RUBCNL: variants seen among roughly 807,000 people sequenced by gnomAD.
The protein encoded by RUBCNL is protein associated with UVRAG as autophagy enhancer.
In RUBCNL, 62 loss-of-function variants were observed where a neutral mutation model predicts 69.5. The observed-to-expected ratio is 0.89, with a 90% CI of 0.73 to 1.10. The LOEUF is 1.10. Ranked by LOEUF, RUBCNL falls within the 50% of genes least tolerant of loss-of-function variation. The probability of loss-of-function intolerance (pLI) is 0.00; values close to 1 mark genes in which losing one functional copy is unlikely to be tolerated. For synonymous variants in RUBCNL, 291 were observed against 303.6 expected (o/e 0.96, Z 0.43); for missense variants, 768 against 798.1 (o/e 0.96, Z 0.45).
At chr13:46,365,163 C>T (rs557613578) in intron 5 of RUBCNL, among the ~76,000 whole-genome samples, 8 of 151,792 alleles carry the variant, frequency 5.3e-5, no homozygotes, top group South Asian at 2.1e-4. Flanking sequence ...ATTAGCTGGG[C>T]GTGATGGTGT....
chr13:46,372,118 A>G lies in RUBCNL; in HGVS notation c.358T>C (p.Ser120Pro). ...DSVGSASPHGSSEKSSSFSLS... is the reference protein window; with the variant it reads ...DSVGSASPHGPSEKSSSFSLS... ...GAGAAGCTGCTACTCTTTTCACTCG[A>G]GCCATGGGGAGAAGCGCTGCCAACG... Residue 120 changes from serine (S) to proline (P), a missense_variant, in exon 3 of 15, where the codon TCG becomes CCG. Ser to Pro is a moderately conservative substitution (Grantham distance 74). Coordinates refer to ENST00000429979, the MANE Select transcript of RUBCNL (RefSeq NM_025113.5). The G allele has an allele frequency of 6.2e-7, 1 of 1,613,946 alleles. No individual in the cohort carries two copies.
intron 4 of RUBCNL, 92 bp downstream of exon 4, chr13:46,368,641 T>C (rs950490358): frequency 6.9e-6 from 9 of 1,310,776 alleles, no homozygotes; most frequent in Admixed American, 2.3e-5. Context: ...TTTGTAATGA[T>C]TCATCAAATT....
Position 46,371,983 on chromosome 13 carries a change from C to T in RUBCNL, c.493G>A (p.Ala165Thr). Residue 165 changes from alanine (A) to threonine (T), a missense_variant, in exon 3 of 15, where the codon GCT (alanine) becomes ACT (threonine). Ala to Thr is a moderately conservative substitution (Grantham distance 58). Coordinates refer to ENST00000429979, the MANE Select transcript of RUBCNL (RefSeq NM_025113.5). ...ATSPYPETDSAFFEPSHLTSA... is the reference protein window; with the variant it reads ...ATSPYPETDSTFFEPSHLTSA... ...GTCAGATGGGAAGGCTCAAAAAAAG[C>T]ACTGTCAGTCTCAGGATATGGGGAG... The T allele has an allele frequency of 6.2e-7, 1 of 1,613,980 alleles. No homozygotes were observed. Among genetic ancestry groups the T allele is most frequent in the Non-Finnish European group, 8.5e-7 (1 of 1,179,892 alleles).
chr13:46,373,059 C>T (rs757340422), intron 2 of RUBCNL, among the ~76,000 whole-genome samples: 1 of 151,964 alleles, frequency 6.6e-6, no homozygotes, highest in Non-Finnish European at 1.5e-5. Context: ...CTGCAACCTC[C>T]GCCTCCCAGG....
At position 46,338,624 on chromosome 13, in the gene RUBCNL, A is replaced by T. The variant is rs188451495; in HGVS notation, c.*4761T>A. ...GAAGGCCAGAGCAGGGCCTCTTTCC[A>T]GGATGAAAGGGCAGTCCTGATCCCA... On this transcript the variant is annotated 3_prime_UTR_variant, in exon 15 of 15. Transcript: ENST00000429979. Among the ~76,000 whole-genome samples, 25 of 152,232 alleles carry T rather than the reference A, an allele frequency of 1.6e-4. No homozygotes were observed. The highest frequency in any genetic ancestry group is 9.8e-4 in the Admixed American group (15 of 15,286).
upstream of RUBCNL, among the ~76,000 whole-genome samples, chr13:46,388,672 C>T (rs1314942429): frequency 6.6e-6 from 1 of 152,194 alleles, no homozygotes; most frequent in East Asian, 1.9e-4. Flanking sequence ...GTGAACCGGT[C>T]CTGGCTTTCT....
chr13:46,365,302 C>CAAAAAA (rs34280215), intron 5 of RUBCNL, among the ~76,000 whole-genome samples: 2 of 59,446 alleles, frequency 3.4e-5, no homozygotes, highest in South Asian at 6.6e-4. Context: ...GACTCCATCT[C>CAAAAAA]AAAAAAAAAA....
intron 10 of RUBCNL, among the ~76,000 whole-genome samples, chr13:46,356,044 G>A (rs933312298): frequency 2.6e-5 from 4 of 152,184 alleles, no homozygotes; most frequent in Admixed American, 6.5e-5. Flanking sequence ...GGAAGACCTC[G>A]TGACTTTGGA....
intron 9 of RUBCNL, among the ~76,000 whole-genome samples, chr13:46,357,431 A>G (rs997889959): frequency 5.3e-5 from 8 of 151,678 alleles, no homozygotes; most frequent in Non-Finnish European, 1.5e-5. Flanking sequence ...ATGCCCGTGT[A>G]CAGGGTTCCA....
chr13:46,372,494 G>C lies in RUBCNL; in HGVS notation c.-19C>G. 6.3e-7 allele frequency: 1 copy of C among 1,579,708 alleles called. No individual in the cohort carries two copies. Among genetic ancestry groups the C allele is most frequent in the Non-Finnish European group, 8.6e-7 (1 of 1,162,622 alleles). ...ACACCATCTTTCCAGGCTTGTGGCT[G>C]GTGTGAATCCATTCAAAACAGATAG... On this transcript the variant is annotated 5_prime_UTR_variant, in exon 3 of 15. Coordinates refer to ENST00000429979, the MANE Select transcript of RUBCNL (RefSeq NM_025113.5).
Position 46,368,215 on chromosome 13 carries a change from A to G in RUBCNL, c.653T>C (p.Ile218Thr). Reference protein sequence around the residue: ...NAHFYVADMIISAMEKMKCNI... With the variant: ...NAHFYVADMITSAMEKMKCNI... ...ACACTTCATTTTCTCCATTGCTGAT[A>G]TAATCATATCTGCAACATAAAAGTG... Residue 218 changes from isoleucine (I) to threonine (T), a missense_variant, in exon 5 of 15, where the codon ATA becomes ACA. Ile to Thr is a moderately conservative substitution (Grantham distance 89, BLOSUM62 -1). Coordinates refer to ENST00000429979, the MANE Select transcript of RUBCNL (RefSeq NM_025113.5). 2 of 1,613,948 alleles carry G rather than the reference A, an allele frequency of 1.2e-6. No homozygotes were observed. Among genetic ancestry groups the G allele is most frequent in the Non-Finnish European group, 1.7e-6 (2 of 1,179,876 alleles).
intron 11 of RUBCNL, among the ~76,000 whole-genome samples, chr13:46,349,856 T>C (rs1159399674): frequency 6.6e-6 from 1 of 151,740 alleles, no homozygotes; most frequent in South Asian, 2.1e-4. Flanking sequence ...TTTTTTTTTT[T>C]AATTTCTAGT....
chr13:46,374,229 C>T (rs748494303), intron 2 of RUBCNL, among the ~76,000 whole-genome samples: 5 of 152,188 alleles, frequency 3.3e-5, no homozygotes, highest in Non-Finnish European at 7.3e-5. Context: ...CAGGTGCATG[C>T]CACCACACCC....
intron 5 of RUBCNL, among the ~76,000 whole-genome samples, chr13:46,367,015 G>A (rs1175475732): frequency 6.6e-6 from 1 of 152,114 alleles, no homozygotes; most frequent in Non-Finnish European, 1.5e-5. Flanking sequence ...GTGTATAGTA[G>A]GTTAAATCTG....
At position 46,361,703 on chromosome 13, in the gene RUBCNL, T is replaced by A. The variant is rs140782109; in HGVS notation, c.987-130A>T. 4.9e-6 allele frequency: 4 copies of A among 820,806 alleles called. No homozygotes were observed. In the African/African-American group the frequency reaches 5.2e-5, roughly 11 times the overall value. The allele number at this position is 820,806 out of a possible 1,614,324, so 50.8% of individuals were successfully genotyped here. ...AGAGGCTGTCATATGAGATGACGCATGAATCACTCACCAGGCATCTTACTC... is the reference window on the plus strand; with the variant it reads ...AGAGGCTGTCATATGAGATGACGCAAGAATCACTCACCAGGCATCTTACTC... On this transcript the variant is annotated intron_variant, in intron 7 of 14. Transcript: ENST00000429979.
Position 46,354,946 on chromosome 13 carries a change from G to A in RUBCNL, c.1330+1486C>T, listed in dbSNP as rs17068061. On this transcript the variant is annotated intron_variant, in intron 10 of 14. Transcript: ENST00000429979. Reference sequence around the variant, plus strand: ...TCATGCATTCAATATTTACAGAAGCGCCAGGATACAGTGGTTAACCAAAGA... The same window carrying A: ...TCATGCATTCAATATTTACAGAAGCACCAGGATACAGTGGTTAACCAAAGA... 1,548 of 427,316 alleles carry A rather than the reference G, an allele frequency of 3.6e-3. 26 individuals carry two copies. Among genetic ancestry groups the A allele is most frequent in the African/African-American group, 0.028 (1,400 of 49,350 alleles). 26.5% of individuals were successfully genotyped at this position (427,316 alleles called of 1,614,324 possible). A position where few individuals can be genotyped will look rare whatever the true frequency, so the allele number is the denominator to read the frequency against.
chr13:46,356,384 G>A (rs1341063227), intron 10 of RUBCNL, 48 bp downstream of exon 10: 1 of 1,586,252 alleles, frequency 6.3e-7, no homozygotes, highest in South Asian at 1.1e-5. Flanking sequence ...TTGCTATTCT[G>A]GACCTTGTCA....
intron 10 of RUBCNL, among the ~76,000 whole-genome samples, chr13:46,352,135 T>C (rs909488040): frequency 6.6e-6 from 1 of 152,192 alleles, no homozygotes; most frequent in Non-Finnish European, 1.5e-5. Context: ...CTGCACTTTC[T>C]AACCTACTAA....
chr13:46,361,385 G>A, intron 8 of RUBCNL, 56 bp downstream of exon 8: 1 of 1,593,216 alleles, frequency 6.3e-7, no homozygotes, highest in Non-Finnish European at 8.6e-7. Flanking sequence ...GAACAGGGCA[G>A]GCAAAATGAG....
Sources: gnomAD v4.1 joint callset for allele counts (sites outside exome capture counted in the v4.1 genomes callset) on GRCh38, gnomAD v4.1.1 for gene constraint, MANE v1.5 for transcripts, NCBI Gene and HGNC (gene_info 2026-07-23, HGNC 2026-07-21) for gene names.